The following TMEM169 variants were observed in gnomAD, a reference collection of about 807,000 sequenced individuals.
The protein encoded by TMEM169 is transmembrane protein 169.
In TMEM169, 18 loss-of-function variants were observed where a neutral mutation model predicts 27.3. The observed-to-expected ratio is 0.66, with a 90% confidence interval of 0.46 to 0.98. TMEM169 has a LOEUF of 0.98. TMEM169 is among the 50% of genes least tolerant of loss of function. The pLI is 0.00. For synonymous variants in TMEM169, 136 were observed against 142.1 expected (o/e 0.96, Z 0.30); for missense variants, 320 against 368.6 (o/e 0.87, Z 1.08).
intron 2 of TMEM169, among the ~76,000 whole-genome samples, 178 bp downstream of exon 2, chr2:216,096,412 T>C (rs1241936084): frequency 6.6e-6 from 1 of 152,220 alleles, no homozygotes; most frequent in Non-Finnish European, 1.5e-5. Flanking sequence ...TCACCCAGGC[T>C]GGAGTGCAGT....
chr2:216,086,130 T>A (rs1695991441), intron 1 of TMEM169, among the ~76,000 whole-genome samples: 1 of 151,950 alleles, frequency 6.6e-6, no homozygotes, highest in African/African-American at 2.4e-5. Flanking sequence ...GGTGGTGTGA[T>A]CTTGGCTCAC....
At chr2:216,084,733 G>A (rs1695957665) in intron 1 of TMEM169, among the ~76,000 whole-genome samples, 1 of 152,140 alleles carries the variant, frequency 6.6e-6, no homozygotes, top group African/African-American at 2.4e-5. Flanking sequence ...ACAAAAACGG[G>A]CACAGGAAGA....
Position 216,100,502 on chromosome 2 carries a change from A to C in TMEM169, c.854A>C (p.Asn285Thr), listed in dbSNP as rs752697381. 6.2e-7 allele frequency: 1 copy of C among 1,614,008 alleles called. No homozygotes were observed. The highest frequency in any genetic ancestry group is 1.3e-5 in the African/African-American group (1 of 74,894). The change falls in exon 3 of 3, where the codon AAC (asparagine) becomes ACC (threonine). Residue 285 changes from asparagine (N) to threonine (T), a missense_variant. Asn to Thr is a moderately conservative substitution (Grantham distance 65). Coordinates refer to ENST00000437356, the MANE Select transcript of TMEM169 (RefSeq NM_001142311.2). ...ESDNISSTLS[N>T]KDPIQEVETS... Reference sequence around the variant, plus strand: ...GACAATATCTCAAGCACTCTCTCCAACAAGGACCCCATCCAAGAAGTAGAA... The same window carrying C: ...GACAATATCTCAAGCACTCTCTCCACCAAGGACCCCATCCAAGAAGTAGAA...
intron 1 of TMEM169, among the ~76,000 whole-genome samples, chr2:216,090,074 A>G (rs945043819): frequency 7.9e-5 from 12 of 152,198 alleles, no homozygotes; most frequent in Non-Finnish European, 1.0e-4. Flanking sequence ...GTGGGGAGAA[A>G]GGGCAGAAGA....
intron 1 of TMEM169, among the ~76,000 whole-genome samples, chr2:216,085,302 T>C (rs963292945): frequency 2.6e-5 from 4 of 151,874 alleles, no homozygotes; most frequent in African/African-American, 2.4e-5. Context: ...TCTCATCTAC[T>C]CGGTAGGAGA....
intron 1 of TMEM169, among the ~76,000 whole-genome samples, chr2:216,087,447 G>T (rs1696031680): frequency 6.6e-6 from 1 of 152,142 alleles, no homozygotes; most frequent in Admixed American, 6.5e-5. Flanking sequence ...TTAACAAAAA[G>T]ATTTCATAGG....
In TMEM169 at chr2:216,099,714, TGA is replaced by T. The variant is rs563187299; in HGVS notation, c.272-202_272-201del. On this transcript the variant is annotated intron_variant, in intron 2 of 2. Coordinates refer to ENST00000437356, the MANE Select transcript of TMEM169 (RefSeq NM_001142311.2). The surrounding 1 kb of genome is among the most constrained non-coding windows in gnomAD (Gnocchi z 5.0). ...TTTATCAGGGCCCAGGCACAAGGACTGAGAGTTCATGTGGGAGCAATAACACC... is the reference window on the plus strand; with the variant it reads ...TTTATCAGGGCCCAGGCACAAGGACTGAGTTCATGTGGGAGCAATAACACC... Among the ~76,000 whole-genome samples, 24 of 152,238 alleles carry T rather than the reference TGA, an allele frequency of 1.6e-4. No individual in the cohort carries two copies. In the East Asian group the frequency reaches 4.2e-3, roughly 27 times the overall value.
chr2:216,085,427 T>C (rs1695973058), intron 1 of TMEM169, among the ~76,000 whole-genome samples: 1 of 152,114 alleles, frequency 6.6e-6, no homozygotes, highest in African/African-American at 2.4e-5. Flanking sequence ...TAAAAGATGT[T>C]GCTTACTGCT....
rs1174463537 is a variant in TMEM169 at position 216,100,659 on chromosome 2, A to T, written c.*117A>T. On this transcript the variant is annotated 3_prime_UTR_variant, in exon 3 of 3. Coordinates refer to ENST00000437356, the MANE Select transcript of TMEM169 (RefSeq NM_001142311.2). ...CTCCGCAGTTCTTCTGGGAAATCAG[A>T]GTCCATACTGATCAGTTTTACCATC... 5 of 1,389,672 alleles carry T rather than the reference A, an allele frequency of 3.6e-6. No individual in the cohort carries two copies. The highest frequency in any genetic ancestry group is 4.9e-6 in the Non-Finnish European group (5 of 1,016,984). The allele number at this position is 1,389,672 out of a possible 1,614,324, so 86.1% of individuals were successfully genotyped here.
chr2:216,082,752 T>C (rs1338369779), intron 1 of TMEM169: 1 of 152,262 alleles, frequency 6.6e-6, no homozygotes, highest in African/African-American at 2.4e-5. Context: ...AGATTACACC[T>C]GGACTGGCCT....
chr2:216,094,305 T>G (rs1165551563), intron 1 of TMEM169, among the ~76,000 whole-genome samples: 1 of 152,262 alleles, frequency 6.6e-6, no homozygotes, highest in African/African-American at 2.4e-5. Context: ...CGGGTACCAC[T>G]ATAGTTCATA....
intron 1 of TMEM169, among the ~76,000 whole-genome samples, chr2:216,091,194 G>A (rs1488308747): frequency 2.0e-5 from 3 of 152,110 alleles, no homozygotes; most frequent in Admixed American, 2.0e-4. Context: ...TGAAATTTCA[G>A]CCCCCAAAGT....
intron 1 of TMEM169, among the ~76,000 whole-genome samples, chr2:216,087,984 C>A (rs1696044087): frequency 6.6e-6 from 1 of 151,614 alleles, no homozygotes; most frequent in African/African-American, 2.4e-5. Flanking sequence ...CATGGTGAAA[C>A]CCTGTCTGTA....
rs1559228444 is a variant in TMEM169, at chr2:216,096,191, AGAG to A, written c.236_238del (p.Glu79del). On this transcript the variant is annotated inframe_deletion, in exon 2 of 3. Transcript: ENST00000437356. ...AATCAGAAGGTGGAGATCAGCCTAA[AGAG>A]GAGGAGGGAGATGATTTCCTAGACT... The A allele has an allele frequency of 1.2e-6, 2 of 1,614,172 alleles. No individual in the cohort carries two copies. The highest frequency in any genetic ancestry group is 1.7e-6 in the Non-Finnish European group (2 of 1,180,020).
chr2:216,102,478 C>A lies in TMEM169; in HGVS notation c.*1936C>A, dbSNP rs940885844. 1 of 152,452 alleles carries A rather than the reference C, an allele frequency of 6.6e-6. No individual in the cohort carries two copies. The highest frequency in any genetic ancestry group is 1.5e-5 in the Non-Finnish European group (1 of 68,008). The allele number at this position is 152,452 out of a possible 1,614,324, so 9.4% of individuals were successfully genotyped here. On this transcript the variant is annotated 3_prime_UTR_variant, in exon 3 of 3. Coordinates refer to ENST00000437356, the MANE Select transcript of TMEM169 (RefSeq NM_001142311.2). Reference sequence around the variant, plus strand: ...GGTCCTTATAAGAATAGCTGGTGCTCTTTTCTTGTTCATGTCTCAAAACAA... The same window carrying A: ...GGTCCTTATAAGAATAGCTGGTGCTATTTTCTTGTTCATGTCTCAAAACAA...
intron 1 of TMEM169, among the ~76,000 whole-genome samples, chr2:216,087,944 A>G (rs1230929417): frequency 6.6e-6 from 1 of 150,708 alleles, no homozygotes; most frequent in African/African-American, 2.4e-5. Flanking sequence ...GGATCACTTG[A>G]GGTCAGGAGT....
Position 216,100,570 on chromosome 2 carries a change from G to A in TMEM169, c.*28G>A, listed in dbSNP as rs372281249. On this transcript the variant is annotated 3_prime_UTR_variant, in exon 3 of 3. Transcript: ENST00000437356. ...TCCCAACAACTTACTCCCTCCTCTG[G>A]CCCCAGTAGCCTATATATCATCTTA... 1.2e-6 allele frequency: 2 copies of A among 1,612,914 alleles called. No individual in the cohort carries two copies. The highest frequency in any genetic ancestry group is 2.7e-5 in the African/African-American group (2 of 74,826).
chr2:216,093,421 A>G (rs1376063374), intron 1 of TMEM169, among the ~76,000 whole-genome samples: 1 of 152,058 alleles, frequency 6.6e-6, no homozygotes, highest in Non-Finnish European at 1.5e-5. Flanking sequence ...AGCCAAATGA[A>G]TCTCCTGGTC....
chr2:216,100,906 C>A lies in TMEM169; in HGVS notation c.*364C>A. The A allele has an allele frequency of 3.3e-6, 1 of 304,018 alleles. No homozygotes were observed. Among genetic ancestry groups the A allele is most frequent in the Middle Eastern group, 1.2e-3 (1 of 848 alleles). 18.8% of individuals were successfully genotyped at this position (304,018 alleles called of 1,614,324 possible). A position where few individuals can be genotyped will look rare whatever the true frequency, so the allele number is the denominator to read the frequency against. On this transcript the variant is annotated 3_prime_UTR_variant, in exon 3 of 3. Transcript: ENST00000437356. ...GGGAGAATAAAGAACCTCGGGGTAA[C>A]CAAATCCACCAAGATAATAGACAGG...
Sources: gnomAD v4.1 joint callset for allele counts (sites outside exome capture counted in the v4.1 genomes callset) on GRCh38, gnomAD v4.1.1 for gene constraint, Gnocchi (gnomAD v3.1) non-coding constraint, MANE v1.5 for transcripts, NCBI Gene and HGNC (gene_info 2026-07-23, HGNC 2026-07-21) for gene names.